ARF4: variants seen among roughly 807,000 people sequenced by gnomAD.
ARF4 encodes the protein ARF GTPase 4.
ARF4 carries 5 observed loss-of-function variants against 24.3 expected under a neutral mutation model. The observed-to-expected ratio is 0.21, with a 90% CI of 0.11 to 0.43. The LOEUF is 0.43. ARF4 is among the 20% of genes least tolerant of loss of function. The pLI is 1.00. For synonymous variants in ARF4, 62 were observed against 73.5 expected, an observed-to-expected ratio of 0.84 and a Z score of 0.80; for missense variants, 107 against 213.0, an observed-to-expected ratio of 0.50 and a Z score of 3.10.
chr3:57,585,230 C>A (rs2070022218), intron 1 of ARF4, among the ~76,000 whole-genome samples: 2 of 152,084 alleles, frequency 1.3e-5, no homozygotes, highest in Middle Eastern at 3.2e-3. Flanking sequence ...ATAAAGAATT[C>A]TTAAGATTTG....
intron 1 of ARF4, 35 bp downstream of exon 1, chr3:57,597,039 C>T (rs764556217): frequency 1.2e-4 from 199 of 1,609,226 alleles, no homozygotes; most frequent in Middle Eastern, 6.6e-4. Flanking sequence ...CCCTGCCTTT[C>T]CCAGGTCCCG....
chr3:57,586,576 G>A (rs1039972520), intron 1 of ARF4, among the ~76,000 whole-genome samples: 3 of 151,998 alleles, frequency 2.0e-5, no homozygotes, highest in African/African-American at 4.8e-5. Flanking sequence ...CTTCGTACTC[G>A]GATACAGGTT....
intron 3 of ARF4, among the ~76,000 whole-genome samples, chr3:57,581,284 C>G (rs974309725): frequency 6.6e-6 from 1 of 152,160 alleles, no homozygotes; most frequent in African/African-American, 2.4e-5. Context: ...TCAGGTAACA[C>G]ATAAAGCTTT....
intron 1 of ARF4, chr3:57,596,656 A>G: frequency 1.6e-5 from 3 of 184,532 alleles, no homozygotes; most frequent in Non-Finnish European, 2.3e-5. Flanking sequence ...GCAGAAGGGG[A>G]GGGAAAAGGC....
At chr3:57,580,790 A>AT (rs2069961317) in intron 3 of ARF4, among the ~76,000 whole-genome samples, 3 of 126,188 alleles carry the variant, frequency 2.4e-5, no homozygotes, top group Non-Finnish European at 5.2e-5. Context: ...TTTTTTTTTT[A>AT]AATGTAAAGA....
chr3:57,591,459 CTCTTT>C (rs939404121), intron 1 of ARF4, among the ~76,000 whole-genome samples: 19 of 149,500 alleles, frequency 1.3e-4, no homozygotes, highest in South Asian at 8.5e-4. Flanking sequence ...CTTTTTTCTT[CTCTTT>C]TCTTTTCTTT....
chr3:57,587,428 T>C (rs1024833769), intron 1 of ARF4, among the ~76,000 whole-genome samples: 4 of 151,466 alleles, frequency 2.6e-5, no homozygotes, highest in African/African-American at 9.7e-5. Flanking sequence ...TACAAAAGCA[T>C]GTAGGTAATC....
At chr3:57,583,498 C>T (rs1208366886) in intron 3 of ARF4, among the ~76,000 whole-genome samples, 1 of 152,132 alleles carries the variant, frequency 6.6e-6, no homozygotes. Context: ...ACTGACTTTA[C>T]TGTATTTAAT....
intron 3 of ARF4, among the ~76,000 whole-genome samples, chr3:57,582,394 C>T (rs1161739139): frequency 6.6e-6 from 1 of 151,582 alleles, no homozygotes; most frequent in Admixed American, 6.6e-5. Context: ...AGGTGCGCGC[C>T]ACCACGCCCG....
Position 57,575,585 on chromosome 3 carries a change from G to A in ARF4, c.419C>T (p.Thr140Ile). The A allele has an allele frequency of 6.2e-7, 1 of 1,613,318 alleles. No homozygotes were observed. The highest frequency in any genetic ancestry group is 8.5e-7 in the Non-Finnish European group (1 of 1,179,750). Residue 140 changes from threonine to isoleucine, a missense_variant, in exon 5 of 6, where the codon ACA becomes ATA. Physicochemically the swap from Thr to Ile is moderately conservative, Grantham distance 89. Transcript: ENST00000303436. ...AAGAGACTGAAGCCCTAGTTTATCT[G>A]TCATTTCACTGATGGCCATAGCATT... ...LPNAMAISEM[T>I]DKLGLQSLRN...
Position 57,583,915 on chromosome 3 carries a change from A to G in ARF4, c.241T>C (p.Tyr81His). The change falls in exon 3 of 6, where the codon TAC becomes CAC. Residue 81 changes from tyrosine (Y) to histidine (H), a missense_variant. Transcript: ENST00000303436. ...TCCCTTACCTGGGTATTCTGGAAGTAATGCTTCCAGAGAGGCCTAATTCTA... is the reference window on the plus strand; with the variant it reads ...TCCCTTACCTGGGTATTCTGGAAGTGATGCTTCCAGAGAGGCCTAATTCTA... ...QDRIRPLWKH[Y>H]FQNTQGLIFV... 6.2e-7 allele frequency: 1 copy of G among 1,603,790 alleles called. No individual in the cohort carries two copies. Among genetic ancestry groups the G allele is most frequent in the Non-Finnish European group, 8.5e-7 (1 of 1,172,542 alleles).
At chr3:57,577,505 A>T (rs2069920947) in intron 3 of ARF4, 118 bp from the exon 4 acceptor site, 1 of 771,820 alleles carries the variant, frequency 1.3e-6, no homozygotes, top group Non-Finnish European at 2.2e-6. Context: ...TCTCTTTAAA[A>T]GTAAGAACTT....
chr3:57,582,041 G>T (rs1313376100), intron 3 of ARF4, among the ~76,000 whole-genome samples: 2 of 152,272 alleles, frequency 1.3e-5, no homozygotes, highest in East Asian at 3.9e-4. Context: ...TCTGGATTTA[G>T]AATGCTCAAC....
At chr3:57,580,158 G>A (rs2069952483) in intron 3 of ARF4, among the ~76,000 whole-genome samples, 1 of 152,050 alleles carries the variant, frequency 6.6e-6, no homozygotes, top group Non-Finnish European at 1.5e-5. Context: ...GTGGTGGGAA[G>A]ACAGACTCAA....
In ARF4 at chr3:57,584,530, T is replaced by C; in HGVS notation, c.68-66A>G. ...CACACTCCAAGAAATAATTTTACAATAAATTTATAGTTCAAAACTAGAAGT... is the reference window on the plus strand; with the variant it reads ...CACACTCCAAGAAATAATTTTACAACAAATTTATAGTTCAAAACTAGAAGT... On this transcript the variant is annotated intron_variant, in intron 1 of 5. Transcript: ENST00000303436. 4 of 1,368,722 alleles carry C rather than the reference T, an allele frequency of 2.9e-6. No homozygotes were observed. In the South Asian group the frequency reaches 3.7e-5, roughly 13 times the overall value. The allele number at this position is 1,368,722 out of a possible 1,614,324, so 84.8% of individuals were successfully genotyped here. A position where few individuals can be genotyped will look rare whatever the true frequency, so the allele number is the denominator to read the frequency against.
intron 1 of ARF4, among the ~76,000 whole-genome samples, chr3:57,585,134 G>T (rs1462284191): frequency 6.6e-6 from 1 of 152,072 alleles, no homozygotes; most frequent in Non-Finnish European, 1.5e-5. Context: ...AATGTGCTGG[G>T]ATTACAAGCG....
intron 5 of ARF4, among the ~76,000 whole-genome samples, chr3:57,574,838 C>A (rs954910174): frequency 6.6e-6 from 1 of 151,786 alleles, no homozygotes; most frequent in Non-Finnish European, 1.5e-5. Context: ...AGCAACAAAG[C>A]GAGACCCCCC....
chr3:57,583,426 G>C (rs905208983), intron 3 of ARF4, among the ~76,000 whole-genome samples: 2 of 151,962 alleles, frequency 1.3e-5, no homozygotes, highest in Non-Finnish European at 2.9e-5. Context: ...TCTCTTCCAT[G>C]CCAGTATTAT....
chr3:57,593,829 G>T (rs963562858), intron 1 of ARF4, among the ~76,000 whole-genome samples: 1 of 152,094 alleles, frequency 6.6e-6, no homozygotes, highest in Non-Finnish European at 1.5e-5. Context: ...TTCAGCCCAA[G>T]AACAGGCAAG....
Sources: allele counts gnomAD v4.1 joint callset (sites outside exome capture counted in the v4.1 genomes callset), GRCh38; gene constraint gnomAD v4.1.1; transcripts MANE v1.5; gene names NCBI Gene and HGNC (gene_info 2026-07-23, HGNC 2026-07-21).